Variants in POLR3H observed in about 807,000 individuals in gnomAD.
The protein encoded by POLR3H is RNA polymerase III subunit H.
POLR3H carries 17 observed loss-of-function variants against 25.5 expected under a neutral mutation model. The ratio of observed to expected loss-of-function variants is 0.67; its 90% confidence interval spans 0.46 to 1.00. The LOEUF (loss-of-function observed/expected upper bound fraction) is 1.00. Ranked by LOEUF, POLR3H falls within the 50% of genes least tolerant of loss-of-function variation. POLR3H has a pLI of 0.00. For missense variants in POLR3H, 274 were observed against 265.0 expected, an observed-to-expected ratio of 1.03 and a Z score of -0.24; for synonymous variants, 129 against 103.0, an observed-to-expected ratio of 1.25 and a Z score of -1.53.
At chr22:41,534,222 A>G (rs1213379762) in intron 2 of POLR3H, among the ~76,000 whole-genome samples, 2 of 152,134 alleles carry the variant, frequency 1.3e-5, no homozygotes, top group Non-Finnish European at 2.9e-5. Flanking sequence ...GGGACAGCAC[A>G]TGATCCTGCG....
intron 4 of POLR3H, among the ~76,000 whole-genome samples, chr22:41,531,499 C>T (rs530349450): frequency 1.3e-5 from 2 of 152,360 alleles, no homozygotes; most frequent in Middle Eastern, 3.4e-3. Context: ...TCTCTGGTGG[C>T]AGTCCCACTG....
intron 5 of POLR3H, among the ~76,000 whole-genome samples, chr22:41,530,426 T>G (rs1431210537): frequency 6.6e-6 from 1 of 152,222 alleles, no homozygotes; most frequent in Admixed American, 6.5e-5. Flanking sequence ...GCTTTATCAG[T>G]GGTCTTGTCC....
intron 5 of POLR3H, 30 bp downstream of exon 5, chr22:41,530,657 G>C (rs2066709393): frequency 6.3e-7 from 1 of 1,586,908 alleles, no homozygotes; most frequent in Non-Finnish European, 8.6e-7. Context: ...CCCGCCTCAT[G>C]GGGGCTTCAG....
Position 41,540,738 on chromosome 22 carries a change from C to A in POLR3H, c.169G>T (p.Ala57Ser). The change falls in exon 2 of 6, where the codon GCC becomes TCC. Residue 57 changes from alanine (A) to serine (S), a missense_variant. Ala to Ser is a moderately conservative substitution (Grantham distance 99, BLOSUM62 1). Coordinates refer to ENST00000355209, the MANE Select transcript of POLR3H (RefSeq NM_001018050.4). ...GCGCCATCCCCAGGGAATACATAGG[C>A]ATCCTCCAGTTTGGTGATATCAAAC... ...CLFDITKLED[A>S]YVFPGDGASH... 6.2e-7 allele frequency: 1 copy of A among 1,614,160 alleles called. No individual in the cohort carries two copies. Among genetic ancestry groups the A allele is most frequent in the African/African-American group, 1.3e-5 (1 of 75,048 alleles).
chr22:41,536,866 C>CAAA (rs576432041), intron 2 of POLR3H, among the ~76,000 whole-genome samples: 8 of 55,594 alleles, frequency 1.4e-4, no homozygotes, highest in Non-Finnish European at 1.7e-4. Flanking sequence ...GACTCTGTCT[C>CAAA]AAAAAAAAAA....
chr22:41,529,626 G>T (rs890411299), intron 5 of POLR3H: 1 of 693,444 alleles, frequency 1.4e-6, no homozygotes. Context: ...GTGGCAGGAA[G>T]GCTGAGCAAA....
At chr22:41,542,375 C>A (rs1296984802) in intron 1 of POLR3H, among the ~76,000 whole-genome samples, 1 of 152,080 alleles carries the variant, frequency 6.6e-6, no homozygotes, top group South Asian at 2.1e-4. Context: ...TGAGCCCCCA[C>A]GCCCGGCCTG....
rs972190975 is a variant in POLR3H, at chr22:41,527,583, G to A, written c.*1700C>T. ...TCTTAGGCTCACACAGTGCACATCC[G>A]ACGCTCAGCTTCCCGGCTTCCCGCA... On this transcript the variant is annotated 3_prime_UTR_variant, in exon 6 of 6. Coordinates refer to ENST00000355209, the MANE Select transcript of POLR3H (RefSeq NM_001018050.4). The A allele has an allele frequency of 1.9e-5, 20 of 1,026,118 alleles. No homozygotes were observed. Among genetic ancestry groups the A allele is most frequent in the South Asian group, 9.9e-5 (6 of 60,330 alleles). 63.6% of individuals were successfully genotyped at this position (1,026,118 alleles called of 1,614,324 possible).
Position 41,526,774 on chromosome 22 carries a change from G to A in POLR3H, c.*2509C>T, listed in dbSNP as rs1182007805. 3 of 351,188 alleles carry A rather than the reference G, an allele frequency of 8.5e-6. No homozygotes were observed. The highest frequency in any genetic ancestry group is 1.0e-5 in the Non-Finnish European group (2 of 191,336). The allele number at this position is 351,188 out of a possible 1,614,324, so 21.8% of individuals were successfully genotyped here. A position where few individuals can be genotyped will look rare whatever the true frequency, so the allele number is the denominator to read the frequency against. On this transcript the variant is annotated 3_prime_UTR_variant, in exon 6 of 6. Coordinates refer to ENST00000355209, the MANE Select transcript of POLR3H (RefSeq NM_001018050.4). The stretch of plus-strand genomic sequence containing the variant: ...CAAAAGCTCAGAGAGGGGGCTACAC[G>A]GGGCCTCACAGTGAGCAGGCAGAGA...
rs923776677 is a variant in POLR3H, at chr22:41,526,641, C to G, written c.*2642G>C. On this transcript the variant is annotated 3_prime_UTR_variant, in exon 6 of 6. Coordinates refer to ENST00000355209, the MANE Select transcript of POLR3H (RefSeq NM_001018050.4). ...GCTGAGAAGGCATGAGGCCCAGGTC[C>G]GGTGGTACAGCCGGGTCCCTGCACC... 4 of 556,738 alleles carry G rather than the reference C, an allele frequency of 7.2e-6. No individual in the cohort carries two copies. Among genetic ancestry groups the G allele is most frequent in the Non-Finnish European group, 1.2e-5 (4 of 327,680 alleles). The allele number at this position is 556,738 out of a possible 1,614,324, so 34.5% of individuals were successfully genotyped here. A position where few individuals can be genotyped will look rare whatever the true frequency, so the allele number is the denominator to read the frequency against.
In POLR3H at chr22:41,526,477, A is replaced by G. The variant is rs778324106; in HGVS notation, c.*2806T>C. 4.4e-6 allele frequency: 7 copies of G among 1,600,886 alleles called. No homozygotes were observed. The African/African-American group carries it at 5.3e-5, about 12-fold the overall frequency. The stretch of plus-strand genomic sequence containing the variant: ...AGGTGGGTCAGAGTTGATAGGGGCA[A>G]TGCCAGTGGTCACTCCTGAAGGGGC... On this transcript the variant is annotated 3_prime_UTR_variant, in exon 6 of 6. Coordinates refer to ENST00000355209, the MANE Select transcript of POLR3H (RefSeq NM_001018050.4).
intron 1 of POLR3H, chr22:41,543,773 G>C (rs986947122): frequency 1.5e-6 from 1 of 688,394 alleles, no homozygotes; most frequent in Non-Finnish European, 2.7e-6. Context: ...AAGTAATTTA[G>C]AATTGTGGAA....
intron 2 of POLR3H, chr22:41,533,517 C>T: frequency 8.2e-7 from 1 of 1,225,308 alleles, no homozygotes; most frequent in Non-Finnish European, 1.0e-6. Flanking sequence ...TCTTTCTGTA[C>T]CCACCAGACA....
At position 41,526,182 on chromosome 22, in the gene POLR3H, G is replaced by T; in HGVS notation, c.*3101C>A. The stretch of plus-strand genomic sequence containing the variant: ...TCACCCCTCCTGGGCCCCGGGGCCT[G>T]CTGCCTGCCTCTGGAGGGCTTGTCA... On this transcript the variant is annotated 3_prime_UTR_variant, in exon 6 of 6. Transcript: ENST00000355209. 7.2e-7 allele frequency: 1 copy of T among 1,383,894 alleles called. No homozygotes were observed. Among genetic ancestry groups the T allele is most frequent in the Non-Finnish European group, 9.9e-7 (1 of 1,005,550 alleles). The allele number at this position is 1,383,894 out of a possible 1,614,324, so 85.7% of individuals were successfully genotyped here.
chr22:41,544,392 GCAC>G lies in POLR3H; in HGVS notation c.-294_-292del. 1 of 279,040 alleles carries G rather than the reference GCAC, an allele frequency of 3.6e-6. No individual in the cohort carries two copies. The highest frequency in any genetic ancestry group is 6.5e-6 in the Non-Finnish European group (1 of 153,316). The allele number at this position is 279,040 out of a possible 1,614,324, so 17.3% of individuals were successfully genotyped here. A position where few individuals can be genotyped will look rare whatever the true frequency, so the allele number is the denominator to read the frequency against. On this transcript the variant is annotated 5_prime_UTR_variant, in exon 1 of 6. Transcript: ENST00000355209. The stretch of plus-strand genomic sequence containing the variant: ...TCCACGCCACGCCACTCCACGCCCC[GCAC>G]CCGCGCCACGTGCCGCCGCTCGTAT...
In POLR3H at chr22:41,544,375, A is replaced by ACGCCACTCCACGCCC. The variant is rs1335451558; in HGVS notation, c.-289_-275dup. On this transcript the variant is annotated 5_prime_UTR_variant, in exon 1 of 6. Transcript: ENST00000355209. ...CCGCCACGCCACGCCACTCCACGCC[A>ACGCCACTCCACGCCC]CGCCACTCCACGCCCCGCACCCGCG... The ACGCCACTCCACGCCC allele has an allele frequency of 3.1e-6, 1 of 325,780 alleles. No homozygotes were observed. Among genetic ancestry groups the ACGCCACTCCACGCCC allele is most frequent in the Non-Finnish European group, 5.5e-6 (1 of 180,478 alleles). 20.2% of individuals were successfully genotyped at this position (325,780 alleles called of 1,614,324 possible). A position where few individuals can be genotyped will look rare whatever the true frequency, so the allele number is the denominator to read the frequency against.
At chr22:41,531,359 G>A (rs766303707) in intron 4 of POLR3H, among the ~76,000 whole-genome samples, 11 of 152,226 alleles carry the variant, frequency 7.2e-5, no homozygotes, top group African/African-American at 1.2e-4. Flanking sequence ...AGAACCAGCC[G>A]GGCTGCGCCA....
In POLR3H at chr22:41,530,692, G is replaced by A. The variant is rs1272358735; in HGVS notation, c.556C>T (p.Leu186Phe). 1.9e-6 allele frequency: 3 copies of A among 1,612,446 alleles called. No individual in the cohort carries two copies. Among genetic ancestry groups the A allele is most frequent in the East Asian group, 4.5e-5 (2 of 44,896 alleles). ...ELPKKEAPYTLVGSISEPGLG... is the reference protein window; with the variant it reads ...ELPKKEAPYTFVGSISEPGLG... ...GCACCATCAGAGCCACTCACCACAAGCGTGTACGGAGCCTCCTTCTTTGGC... is the reference window on the plus strand; with the variant it reads ...GCACCATCAGAGCCACTCACCACAAACGTGTACGGAGCCTCCTTCTTTGGC... Residue 186 changes from leucine to phenylalanine, a missense_variant, in exon 5 of 6, where the codon CTT becomes TTT. Leu to Phe is a conservative substitution (Grantham distance 22, BLOSUM62 0). Transcript: ENST00000355209.
intron 2 of POLR3H, among the ~76,000 whole-genome samples, chr22:41,537,377 A>C (rs1252175232): frequency 6.6e-6 from 1 of 152,220 alleles, no homozygotes; most frequent in Non-Finnish European, 1.5e-5. Flanking sequence ...CTCTGAGCAA[A>C]GGTGAAGGCA....
Sources: allele counts gnomAD v4.1 joint callset (sites outside exome capture counted in the v4.1 genomes callset), GRCh38; gene constraint gnomAD v4.1.1; transcripts MANE v1.5; gene names NCBI Gene and HGNC (gene_info 2026-07-23, HGNC 2026-07-21).